The following KCNH8 variants were observed in gnomAD, a reference collection of about 807,000 sequenced individuals.
The protein encoded by KCNH8 is potassium voltage-gated channel subfamily H member 8.
KCNH8 carries 70 observed loss-of-function variants against 103.6 expected under a neutral mutation model. The observed-to-expected ratio is 0.68, with a 90% confidence interval of 0.56 to 0.82. KCNH8 has a LOEUF of 0.82. Among genes scored for constraint, KCNH8 ranks in the 40% least tolerant of loss-of-function variants. The pLI is 0.00. For synonymous variants in KCNH8, 498 were observed against 489.4 expected (o/e 1.02, Z -0.23); for missense variants, 1,217 against 1,329.9 (o/e 0.92, Z 1.32).
At chr3:19,204,835 A>T (rs1411422030) in intron 1 of KCNH8, among the ~76,000 whole-genome samples, 1 of 152,054 alleles carries the variant, frequency 6.6e-6, no homozygotes, top group Non-Finnish European at 1.5e-5. Flanking sequence ...TGAAATCAAG[A>T]TGCTTTTAAT....
intron 7 of KCNH8, among the ~76,000 whole-genome samples, chr3:19,395,994 G>C (rs2066511023): frequency 6.6e-6 from 1 of 151,912 alleles, no homozygotes; most frequent in Non-Finnish European, 1.5e-5. Flanking sequence ...GTCAACCACA[G>C]TAAATTTATA....
At chr3:19,151,279 T>C (rs1220453447) in intron 1 of KCNH8, among the ~76,000 whole-genome samples, 1 of 152,210 alleles carries the variant, frequency 6.6e-6, no homozygotes, top group Non-Finnish European at 1.5e-5. Flanking sequence ...AAGAGAAAAC[T>C]ATTTACAAAT....
chr3:19,443,480 G>C (rs991844044), intron 8 of KCNH8, among the ~76,000 whole-genome samples: 1 of 150,860 alleles, frequency 6.6e-6, no homozygotes, highest in African/African-American at 2.4e-5. Context: ...TATATATAAA[G>C]TTTTCATTTA....
At chr3:19,379,137 G>T (rs1308283239) in intron 5 of KCNH8, among the ~76,000 whole-genome samples, 1 of 152,148 alleles carries the variant, frequency 6.6e-6, no homozygotes, top group Admixed American at 6.5e-5. Context: ...TAATCACGGA[G>T]AAGTTATTTC....
chr3:19,468,445 C>CA (rs905498608), intron 11 of KCNH8, among the ~76,000 whole-genome samples: 10 of 151,690 alleles, frequency 6.6e-5, no homozygotes, highest in African/African-American at 9.7e-5. Flanking sequence ...ATAGCAAAGC[C>CA]AAAAAAAGTA....
chr3:19,477,233 A>C (rs1351432363), intron 11 of KCNH8, among the ~76,000 whole-genome samples: 1 of 152,158 alleles, frequency 6.6e-6, no homozygotes, highest in East Asian at 1.9e-4. Context: ...TGAGATAATC[A>C]TCACCCAGCT....
chr3:19,175,621 T>A (rs1375897465), intron 1 of KCNH8, among the ~76,000 whole-genome samples: 1 of 152,210 alleles, frequency 6.6e-6, no homozygotes, highest in African/African-American at 2.4e-5. Context: ...ATAGTTAAAA[T>A]ACTGTTTTAT....
intron 7 of KCNH8, among the ~76,000 whole-genome samples, chr3:19,410,743 A>G (rs2066764036): frequency 1.3e-5 from 2 of 152,060 alleles, no homozygotes; most frequent in Admixed American, 1.3e-4. Flanking sequence ...CTGTGGACAC[A>G]AACTAAAAAT....
At chr3:19,373,075 T>C (rs2066128127) in intron 5 of KCNH8, among the ~76,000 whole-genome samples, 1 of 151,980 alleles carries the variant, frequency 6.6e-6, no homozygotes, top group South Asian at 2.1e-4. Context: ...AAATTCTCTT[T>C]TTTGGTTGTG....
At chr3:19,179,494 A>G (rs909079742) in intron 1 of KCNH8, among the ~76,000 whole-genome samples, 1 of 152,192 alleles carries the variant, frequency 6.6e-6, no homozygotes, top group Admixed American at 6.5e-5. Context: ...TTAAAAGTAG[A>G]AATATTCTAA....
intron 3 of KCNH8, among the ~76,000 whole-genome samples, chr3:19,329,058 A>C (rs1273255971): frequency 6.6e-6 from 1 of 152,206 alleles, no homozygotes; most frequent in Non-Finnish European, 1.5e-5. Flanking sequence ...ACATCACTAC[A>C]AATCCAAAAG....
At chr3:19,426,413 TG>T (rs767051931) in intron 7 of KCNH8, among the ~76,000 whole-genome samples, 2 of 151,802 alleles carry the variant, frequency 1.3e-5, no homozygotes, top group Non-Finnish European at 2.9e-5. Context: ...CTTAGGCAAG[TG>T]TGTAAATTAA....
chr3:19,345,162 A>G (rs924864760), intron 4 of KCNH8, among the ~76,000 whole-genome samples: 3 of 152,108 alleles, frequency 2.0e-5, no homozygotes, highest in Admixed American at 2.0e-4. Context: ...TATTCTGTCA[A>G]TCAAATGAGA....
At chr3:19,329,122 A>T (rs2065470049) in intron 3 of KCNH8, among the ~76,000 whole-genome samples, 1 of 152,170 alleles carries the variant, frequency 6.6e-6, no homozygotes, top group Admixed American at 6.6e-5. Context: ...TTCTTTTAAG[A>T]GTTAGGATTC....
intron 14 of KCNH8, among the ~76,000 whole-genome samples, chr3:19,515,954 AAC>A: frequency 6.6e-6 from 1 of 152,214 alleles, no homozygotes; most frequent in Non-Finnish European, 1.5e-5. Context: ...AGGTACCTCC[AAC>A]TCTAGCCCAA....
intron 1 of KCNH8, among the ~76,000 whole-genome samples, chr3:19,175,994 G>A (rs1018930375): frequency 6.6e-6 from 1 of 152,106 alleles, no homozygotes; most frequent in Non-Finnish European, 1.5e-5. Context: ...ATTTAGCTAC[G>A]TTAGCTTGTT....
chr3:19,526,889 C>A (rs1371012277), intron 15 of KCNH8, among the ~76,000 whole-genome samples: 1 of 151,930 alleles, frequency 6.6e-6, no homozygotes, highest in Non-Finnish European at 1.5e-5. Flanking sequence ...TTGAATGAAT[C>A]AACAAAGATT....
chr3:19,252,763 A>G (rs888856214), intron 1 of KCNH8, among the ~76,000 whole-genome samples: 2 of 152,174 alleles, frequency 1.3e-5, no homozygotes, highest in Non-Finnish European at 2.9e-5. Context: ...CATAATATGC[A>G]TAATCTCATT....
chr3:19,214,405 C>T (rs1342127676), intron 1 of KCNH8, among the ~76,000 whole-genome samples: 1 of 152,148 alleles, frequency 6.6e-6, no homozygotes, highest in South Asian at 2.1e-4. Context: ...GATAATTGCC[C>T]TTCATTAGTG....
Sources: gnomAD v4.1 joint callset for allele counts (sites outside exome capture counted in the v4.1 genomes callset) on GRCh38, gnomAD v4.1.1 for gene constraint, MANE v1.5 for transcripts, NCBI Gene and HGNC (gene_info 2026-07-23, HGNC 2026-07-21) for gene names.